Variants in ALDH18A1 observed in about 807,000 individuals in gnomAD.
The protein encoded by ALDH18A1 is aldehyde dehydrogenase 18 family member A1, also known as delta-1-pyrroline-5-carboxylate synthase.
In ALDH18A1, 44 loss-of-function variants were observed where a neutral mutation model predicts 88.8. That is an observed-to-expected ratio of 0.50 (90% CI 0.39 to 0.64). The LOEUF is 0.64. Among genes scored for constraint, ALDH18A1 ranks in the 30% least tolerant of loss-of-function variants. The pLI, the probability that ALDH18A1 is intolerant of heterozygous loss-of-function variation, is 0.00. For missense variants in ALDH18A1, 782 were observed against 1,009.5 expected (o/e 0.77, Z 3.05); for synonymous variants, 331 against 372.1 (o/e 0.89, Z 1.27).
chr10:95,631,923 TA>T (rs1186990601), intron 7 of ALDH18A1, among the ~76,000 whole-genome samples: 49 of 152,218 alleles, frequency 3.2e-4, no homozygotes, highest in South Asian at 2.1e-4. Context: ...ATTCCACTCT[TA>T]GATGAAATAA....
intron 17 of ALDH18A1, among the ~76,000 whole-genome samples, chr10:95,607,994 C>T (rs1163582851): frequency 6.6e-6 from 1 of 152,152 alleles, no homozygotes; most frequent in Non-Finnish European, 1.5e-5. Context: ...GACATACTAC[C>T]TAACTTTATG....
intron 7 of ALDH18A1, among the ~76,000 whole-genome samples, chr10:95,632,693 T>C (rs887577107): frequency 1.3e-5 from 2 of 152,204 alleles, no homozygotes; most frequent in Admixed American, 6.5e-5. Flanking sequence ...AAGTGAATTG[T>C]ATGGTATGTG....
At chr10:95,649,634 CG>C (rs2097907013) in intron 2 of ALDH18A1, among the ~76,000 whole-genome samples, 2 of 151,972 alleles carry the variant, frequency 1.3e-5, no homozygotes, top group South Asian at 4.1e-4. Flanking sequence ...GGATTACAGG[CG>C]TGAGCCATCA....
intron 5 of ALDH18A1, among the ~76,000 whole-genome samples, 163 bp from the exon 6 acceptor site, chr10:95,633,812 C>CTTTTTTT (rs869056809): frequency 8.7e-5 from 9 of 103,272 alleles, no homozygotes; most frequent in Non-Finnish European, 9.3e-5. Flanking sequence ...CTATCCAATT[C>CTTTTTTT]TTTTTTTTTT....
intron 2 of ALDH18A1, among the ~76,000 whole-genome samples, chr10:95,651,924 T>G (rs562465969): frequency 1.3e-5 from 2 of 152,350 alleles, no homozygotes; most frequent in South Asian, 4.1e-4. Context: ...ATCCTGTACA[T>G]CAATGTTCAT....
rs774047299 is a variant in ALDH18A1, at chr10:95,606,805, T to G, written c.2345A>C (p.Tyr782Ser). The change falls in exon 18 of 18, where the codon TAT becomes TCT. Residue 782 changes from tyrosine to serine, a missense_variant. By Grantham distance (144) the Tyr-to-Ser change is moderately radical (BLOSUM62 -2). Transcript: ENST00000371224. ...AGGAATAGGGAGGTTCTCATGAAGATATTTTAAACTTCCATGCTCTGAGAA... is the reference window on the plus strand; with the variant it reads ...AGGAATAGGGAGGTTCTCATGAAGAGATTTTAAACTTCCATGCTCTGAGAA... ...SDFSEHGSLK[Y>S]LHENLPIPQR... The G allele has an allele frequency of 1.2e-6, 2 of 1,614,180 alleles. No individual in the cohort carries two copies. The highest frequency in any genetic ancestry group is 1.7e-6 in the Non-Finnish European group (2 of 1,180,016).
chr10:95,643,388 T>A (rs2097895567), intron 2 of ALDH18A1, among the ~76,000 whole-genome samples, 182 bp from the exon 3 acceptor site: 1 of 152,246 alleles, frequency 6.6e-6, no homozygotes, highest in South Asian at 2.1e-4. Context: ...TTTAGTATTG[T>A]ATGGAGTTTA....
In ALDH18A1 at chr10:95,642,442, C is replaced by CAT. The variant is rs1273075549; in HGVS notation, c.303+549_303+550insAT. On this transcript the variant is annotated intron_variant, in intron 3 of 17. Coordinates refer to ENST00000371224, the MANE Select transcript of ALDH18A1 (RefSeq NM_002860.4). The stretch of plus-strand genomic sequence containing the variant: ...CAGCCTGAGCAACATAGCAAGACCC[C>CAT]TGTCTCTACGAAAAATACAAAAATT... Among the ~76,000 whole-genome samples the CAT allele has an allele frequency of 2.2e-3, 340 of 152,234 alleles. 4 individuals carry two copies. Among genetic ancestry groups the CAT allele is most frequent in the Middle Eastern group, 3.4e-3 (1 of 294 alleles).
chr10:95,606,187 A>G lies in ALDH18A1; in HGVS notation c.*575T>C, dbSNP rs1270868365. ...GCATCTCCTGGATGCAGGAAGCTGC[A>G]AGCATCTGGAATGCTTATTAATTTA... On this transcript the variant is annotated 3_prime_UTR_variant, in exon 18 of 18. Coordinates refer to ENST00000371224, the MANE Select transcript of ALDH18A1 (RefSeq NM_002860.4). 2.1e-5 allele frequency: 20 copies of G among 941,646 alleles called. No individual in the cohort carries two copies. Among genetic ancestry groups the G allele is most frequent in the Non-Finnish European group, 2.5e-5 (20 of 788,296 alleles). The allele number at this position is 941,646 out of a possible 1,614,324, so 58.3% of individuals were successfully genotyped here.
At chr10:95,614,253 C>A in intron 13 of ALDH18A1, 92 bp from the exon 14 acceptor site, 14 of 1,295,434 alleles carry the variant, frequency 1.1e-5, no homozygotes, top group Non-Finnish European at 1.5e-5. Flanking sequence ...AACATCTGTA[C>A]ACTCTGAGAA....
rs139181862 is a variant in ALDH18A1 at position 95,614,774 on chromosome 10, A to G, written c.1606-613T>C. On this transcript the variant is annotated intron_variant, in intron 13 of 17. Transcript: ENST00000371224. ...TAATTTTTCTCCACATGGTCATATTACTTTTATAACAAATATATATGTGTG... is the reference window on the plus strand; with the variant it reads ...TAATTTTTCTCCACATGGTCATATTGCTTTTATAACAAATATATATGTGTG... Among the ~76,000 whole-genome samples the G allele has an allele frequency of 9.1e-3, 1,390 of 152,270 alleles. 19 individuals carry two copies. The highest frequency in any genetic ancestry group is 0.032 in the African/African-American group (1,319 of 41,556).
At chr10:95,615,941 C>T (rs139813459) in intron 13 of ALDH18A1, among the ~76,000 whole-genome samples, 23 of 152,176 alleles carry the variant, frequency 1.5e-4, no homozygotes, top group African/African-American at 5.5e-4. Flanking sequence ...AATGAGTTAA[C>T]GGATAAAATG....
At chr10:95,621,342 C>G in intron 11 of ALDH18A1, 91 bp from the exon 12 acceptor site, 1 of 1,014,854 alleles carries the variant, frequency 9.9e-7, no homozygotes, top group African/African-American at 1.7e-5. Context: ...TTTTTTGAGA[C>G]AGGGTCTCAC....
At chr10:95,646,129 G>A (rs114093728) in intron 2 of ALDH18A1, among the ~76,000 whole-genome samples, 2 of 152,260 alleles carry the variant, frequency 1.3e-5, no homozygotes, top group African/African-American at 2.4e-5. Context: ...CCTTTTGGTA[G>A]CTGTCAGATC....
At chr10:95,627,342 A>G (rs2097861892) in intron 9 of ALDH18A1, 100 bp downstream of exon 9, 6 of 1,490,498 alleles carry the variant, frequency 4.0e-6, no homozygotes, top group Middle Eastern at 1.8e-4. Flanking sequence ...AAACAATGCC[A>G]TATTTCATAA....
Position 95,611,307 on chromosome 10 carries a change from G to A in ALDH18A1, c.2059C>T (p.His687Tyr). Residue 687 changes from histidine to tyrosine, a missense_variant, in exon 16 of 18, where the codon CAC becomes TAC. Physicochemically the swap from His to Tyr is moderately conservative, Grantham distance 83. This residue lies in a region of ALDH18A1 where 556 missense variants were observed against 654.5 expected (regional missense o/e 0.85). Coordinates refer to ENST00000371224, the MANE Select transcript of ALDH18A1 (RefSeq NM_002860.4). ...TGGGAGCTGCCATACTTGTGGATGT[G>A]GTCAATGGCATCCTGAACGTTGTCC... is the stretch of plus-strand genomic sequence containing the variant. The part of the protein sequence containing the change: ...VVDNVQDAID[H>Y]IHKYGSSHTD... The A allele has an allele frequency of 6.2e-7, 1 of 1,614,172 alleles. No individual in the cohort carries two copies. The highest frequency in any genetic ancestry group is 8.5e-7 in the Non-Finnish European group (1 of 1,180,022).
intron 5 of ALDH18A1, 33 bp from the exon 6 acceptor site, chr10:95,633,682 G>A (rs1589534879): frequency 6.2e-7 from 1 of 1,612,126 alleles, no homozygotes; most frequent in Non-Finnish European, 8.5e-7. Context: ...AAATGCATGA[G>A]GGAGAAAAAC....
chr10:95,628,269 T>A, intron 8 of ALDH18A1, 99 bp downstream of exon 8: 1 of 1,541,824 alleles, frequency 6.5e-7, no homozygotes, highest in Non-Finnish European at 8.9e-7. Flanking sequence ...GTGCCTACTA[T>A]CTGAACCATT....
intron 5 of ALDH18A1, 152 bp from the exon 6 acceptor site, chr10:95,633,801 G>A (rs2097875348): frequency 5.1e-6 from 3 of 588,872 alleles, no homozygotes; most frequent in Middle Eastern, 9.4e-4. Flanking sequence ...ATATCTGGGT[G>A]CTATCCAATT....
Sources: gnomAD v4.1 joint callset for allele counts (sites outside exome capture counted in the v4.1 genomes callset) on GRCh38, gnomAD v4.1.1 for gene constraint, gnomAD v4.1.1 regional missense constraint, MANE v1.5 for transcripts, NCBI Gene and HGNC (gene_info 2026-07-23, HGNC 2026-07-21) for gene names.